NBPF12: variants seen among roughly 807,000 people sequenced by gnomAD.
The protein encoded by NBPF12 is NBPF family member NBPF12.
A neutral mutation model predicts 146.4 loss-of-function variants in NBPF12; 115 were observed. That is an observed-to-expected ratio of 0.79 (90% confidence interval 0.68 to 0.92). The LOEUF (loss-of-function observed/expected upper bound fraction) is 0.92, where lower values mean the gene tolerates loss of function less well. Ranked by LOEUF, NBPF12 falls within the 40% of genes least tolerant of loss-of-function variation. NBPF12 has a pLI of 0.00. For missense variants in NBPF12, 1,205 were observed against 1,326.8 expected, an observed-to-expected ratio of 0.91 and a Z score of 1.43; for synonymous variants, 385 against 508.9, an observed-to-expected ratio of 0.76 and a Z score of 3.28.
rs1043491 is a variant in NBPF12, at chr1:146,994,716, G to A, written c.*141G>A. 1.4e-5 allele frequency: 19 copies of A among 1,380,528 alleles called. 1 individual carries two copies. Among genetic ancestry groups the A allele is most frequent in the Admixed American group, 4.7e-5 (2 of 42,506 alleles). The allele number at this position is 1,380,528 out of a possible 1,614,324, so 85.5% of individuals were successfully genotyped here. A position where few individuals can be genotyped will look rare whatever the true frequency, so the allele number is the denominator to read the frequency against. Reference sequence around the variant, plus strand: ...GCATGGCTCTATTCCTATTCTCAGAGCATGCCAGTGGCAACCTGTGCTCAG... The same window carrying A: ...GCATGGCTCTATTCCTATTCTCAGAACATGCCAGTGGCAACCTGTGCTCAG... On this transcript the variant is annotated 3_prime_UTR_variant, in exon 34 of 34. Transcript: ENST00000617844.
chr1:146,992,462 C>CTCTGTG (rs1450490306), intron 31 of NBPF12, among the ~76,000 whole-genome samples: 24 of 66,274 alleles, frequency 3.6e-4, no homozygotes, highest in South Asian at 1.9e-3. Context: ...CTCTCTCTCT[C>CTCTGTG]TGTGTGTGTG....
chr1:146,942,773 GATAGAC>G, intron 1 of NBPF12, among the ~76,000 whole-genome samples: 1 of 145,256 alleles, frequency 6.9e-6, no homozygotes, highest in African/African-American at 2.6e-5. Flanking sequence ...AGATAGACCA[GATAGAC>G]CAGTAGATGA....
At chr1:146,966,373 A>T (rs2101860942) in intron 8 of NBPF12, 91 bp from the exon 12 acceptor site, 2 of 1,114,318 alleles carry the variant, frequency 1.8e-6, no homozygotes, top group African/African-American at 1.5e-5. Context: ...ATAAGTACAC[A>T]AGGCTGCCAG....
upstream of NBPF12, among the ~76,000 whole-genome samples, chr1:146,948,335 C>G (rs1234790241): frequency 6.6e-5 from 10 of 151,890 alleles, no homozygotes; most frequent in African/African-American, 2.4e-4. Context: ...AAAGAGAGAT[C>G]AGATTGTTAC....
intron 2 of NBPF12, among the ~76,000 whole-genome samples, chr1:146,953,055 TCTC>T (rs1369552115): frequency 2.0e-5 from 3 of 150,492 alleles, no homozygotes; most frequent in African/African-American, 7.4e-5. Context: ...CTGTGGCGCC[TCTC>T]CTCTACAGGC....
chr1:146,977,808 T>C, intron 18 of NBPF12, 137 bp downstream of exon 21: 1 of 686,474 alleles, frequency 1.5e-6, no homozygotes, highest in Non-Finnish European at 2.5e-6. Flanking sequence ...GGGAGTTTTT[T>C]TGTCCTTCTC....
At position 146,966,366 on chromosome 1, in the gene NBPF12, A is replaced by T. The variant is rs1436279380; in HGVS notation, c.779-98A>T. On this transcript the variant is annotated intron_variant, in intron 8 of 33. Coordinates refer to ENST00000617844, the Ensembl canonical transcript of NBPF12. The stretch of plus-strand genomic sequence containing the variant: ...ACCAGGGAAACATCATCTTCGAATA[A>T]GTACACAAGGCTGCCAGTGACATCC... The T allele has an allele frequency of 3.7e-6, 4 of 1,071,358 alleles. No homozygotes were observed. In the African/African-American group the frequency reaches 4.7e-5, roughly 13 times the overall value. 66.4% of individuals were successfully genotyped at this position (1,071,358 alleles called of 1,614,324 possible). A position where few individuals can be genotyped will look rare whatever the true frequency, so the allele number is the denominator to read the frequency against.
chr1:146,959,935 G>A, exon 3 of NBPF12: 2 of 267,826 alleles, frequency 7.5e-6, no homozygotes, highest in Non-Finnish European at 1.3e-5. Flanking sequence ...TCTGAGTTGA[G>A]GCACCTCGAA....
At chr1:146,977,281 T>C (rs1657106150) in intron 17 of NBPF12, among the ~76,000 whole-genome samples, 185 bp from the exon 21 acceptor site, 1 of 148,096 alleles carries the variant, frequency 6.8e-6, no homozygotes. Context: ...TCCTCTCTGG[T>C]TCCCATGGCA....
upstream of NBPF12, among the ~76,000 whole-genome samples, chr1:146,946,786 C>G (rs1204733982): frequency 6.6e-6 from 1 of 151,242 alleles, no homozygotes; most frequent in African/African-American, 2.4e-5. Flanking sequence ...AGATTTTCTC[C>G]TATGTTATCT....
intron 11 of NBPF12, among the ~76,000 whole-genome samples, chr1:146,970,115 G>A (rs1320811639): frequency 0.015 from 2,244 of 148,752 alleles, 29 homozygotes; most frequent in Middle Eastern, 0.031. Context: ...GTGGTGTTGG[G>A]GAAGGCACTT....
chr1:146,949,054 T>C (rs1306164126), upstream of NBPF12, among the ~76,000 whole-genome samples: 1 of 151,922 alleles, frequency 6.6e-6, no homozygotes, highest in African/African-American at 2.4e-5. Flanking sequence ...TCCACTATTA[T>C]CCTATTGTCC....
At chr1:146,972,300 A>C (rs1225112155) in intron 13 of NBPF12, among the ~76,000 whole-genome samples, 8 of 151,134 alleles carry the variant, frequency 5.3e-5, no homozygotes, top group African/African-American at 1.7e-4. Context: ...AGGCTGAGTG[A>C]TGAGAATCGC....
At chr1:146,984,674 G>T in intron 21 of NBPF12, 139 bp from the exon 25 acceptor site, 1 of 696,976 alleles carries the variant, frequency 1.4e-6, no homozygotes, top group South Asian at 1.5e-5. Context: ...ACAACATAAA[G>T]GCAATAATTT....
At chr1:146,942,396 G>A (rs1188231920) in intron 1 of NBPF12, among the ~76,000 whole-genome samples, 17 of 151,020 alleles carry the variant, frequency 1.1e-4, no homozygotes, top group African/African-American at 3.9e-4. Flanking sequence ...TATTTTTTTT[G>A]TATGTGTTCA....
intron 10 of NBPF12, 147 bp from the exon 14 acceptor site, chr1:146,969,235 C>G (rs1656419449): frequency 2.8e-6 from 3 of 1,069,200 alleles, no homozygotes; most frequent in Non-Finnish European, 4.3e-6. Flanking sequence ...TCTTCTTTCT[C>G]TTGGCCACAG....
chr1:146,938,955 A>G (rs1654652072), exon 1 of NBPF12: 1 of 152,092 alleles, frequency 6.6e-6, no homozygotes, highest in African/African-American at 2.4e-5. Context: ...GTTCAAGTTT[A>G]CTGCGAAGTC....
At position 146,963,383 on chromosome 1, in the gene NBPF12, A is replaced by C. The variant is rs1655984014; in HGVS notation, c.493+74A>C. The C allele has an allele frequency of 1.9e-5, 31 of 1,593,238 alleles. No individual in the cohort carries two copies. In the East Asian group the frequency reaches 6.7e-4, roughly 34 times the overall value. On this transcript the variant is annotated intron_variant, in intron 6 of 33. Transcript: ENST00000617844. ...GGCTCCAGACCTCCATACTTTCATG[A>C]TGACAGTTGTATCAGTGGGGTTTTT...
chr1:146,962,298 G>A, intron 5 of NBPF12, 35 bp downstream of exon 8: 2 of 1,549,570 alleles, frequency 1.3e-6, no homozygotes, highest in Non-Finnish European at 1.8e-6. Flanking sequence ...CAGGCGGGTA[G>A]GTGTGTAGAT....
Sources: gnomAD v4.1 joint callset for allele counts (sites outside exome capture counted in the v4.1 genomes callset) on GRCh38, gnomAD v4.1.1 for gene constraint, MANE v1.5 for transcripts, NCBI Gene and HGNC (gene_info 2026-07-23, HGNC 2026-07-21) for gene names.